ELOVL4: variants seen among roughly 807,000 people sequenced by gnomAD.
The protein encoded by ELOVL4 is ELOVL fatty acid elongase 4, also known as very long chain fatty acid elongase 4.
In ELOVL4, 18 loss-of-function variants were observed where a neutral mutation model predicts 42.1. The ratio of observed to expected loss-of-function variants is 0.43; its 90% CI spans 0.30 to 0.63. ELOVL4 has a LOEUF of 0.63. Among genes scored for constraint, ELOVL4 ranks in the 30% least tolerant of loss-of-function variants. ELOVL4 has a pLI of 0.15. For missense variants in ELOVL4, 299 were observed against 376.2 expected, an observed-to-expected ratio of 0.79 and a Z score of 1.70; for synonymous variants, 117 against 127.0, an observed-to-expected ratio of 0.92 and a Z score of 0.53.
chr6:79,919,485 T>C lies in ELOVL4; in HGVS notation c.604A>G (p.Thr202Ala), dbSNP rs376577129. ...TTCTGAATCCATGGGCCAAATGCAG[T>C]TAACCCATAGTATGAGTACATAATC... ...HVIMYSYYGLTAFGPWIQKYL... is the reference protein window; with the variant it reads ...HVIMYSYYGLAAFGPWIQKYL... The change falls in exon 5 of 6, where the codon ACT (threonine) becomes GCT (alanine). Residue 202 changes from threonine (T) to alanine (A), a missense_variant. By Grantham distance (58) the Thr-to-Ala change is moderately conservative (BLOSUM62 0). Transcript: ENST00000369816. 104 of 1,613,624 alleles carry C rather than the reference T, an allele frequency of 6.4e-5. No homozygotes were observed. Among genetic ancestry groups the C allele is most frequent in the South Asian group, 2.4e-4 (22 of 91,082 alleles).
intron 1 of ELOVL4, among the ~76,000 whole-genome samples, chr6:79,931,721 G>A (rs1774448463): frequency 6.6e-6 from 1 of 152,038 alleles, no homozygotes; most frequent in Non-Finnish European, 1.5e-5. Context: ...AAGAGAAAGA[G>A]GCCTCAGCAA....
intron 1 of ELOVL4, among the ~76,000 whole-genome samples, chr6:79,930,088 T>C (rs1774418015): frequency 6.6e-6 from 1 of 152,214 alleles, no homozygotes; most frequent in South Asian, 2.1e-4. Flanking sequence ...ATAATAACTT[T>C]ATCCTCAAGT....
intron 3 of ELOVL4, among the ~76,000 whole-genome samples, chr6:79,924,343 C>T (rs1352631143): frequency 6.6e-6 from 1 of 152,090 alleles, no homozygotes; most frequent in Non-Finnish European, 1.5e-5. Context: ...AAACAAAAAT[C>T]TAAAATAATG....
intron 1 of ELOVL4, among the ~76,000 whole-genome samples, chr6:79,926,913 AG>A (rs1774352190): frequency 6.6e-6 from 1 of 152,160 alleles, no homozygotes; most frequent in Non-Finnish European, 1.5e-5. Context: ...AGATTAAGTT[AG>A]GGTTAATTAC....
At position 79,947,363 on chromosome 6, in the gene ELOVL4, G is replaced by A. The variant is rs1442094423; in HGVS notation, c.-84C>T. 9.3e-7 allele frequency: 1 copy of A among 1,076,250 alleles called. No individual in the cohort carries two copies. The highest frequency in any genetic ancestry group is 1.4e-6 in the Non-Finnish European group (1 of 723,380). The allele number at this position is 1,076,250 out of a possible 1,614,324, so 66.7% of individuals were successfully genotyped here. A position where few individuals can be genotyped will look rare whatever the true frequency, so the allele number is the denominator to read the frequency against. ...CCCCGGAGGCGGTGGCGGCCGACGG[G>A]GCGAGCGGCGGCCGGGAACCCCTCT... On this transcript the variant is annotated 5_prime_UTR_variant, in exon 1 of 6. Coordinates refer to ENST00000369816, the MANE Select transcript of ELOVL4 (RefSeq NM_022726.4).
At chr6:79,931,945 A>G (rs1397015797) in intron 1 of ELOVL4, among the ~76,000 whole-genome samples, 2 of 152,214 alleles carry the variant, frequency 1.3e-5, no homozygotes, top group African/African-American at 4.8e-5. Flanking sequence ...CTAAAGCCAA[A>G]TATCATAGCA....
chr6:79,938,741 T>C (rs1188117302), intron 1 of ELOVL4, among the ~76,000 whole-genome samples: 2 of 152,234 alleles, frequency 1.3e-5, no homozygotes, highest in Non-Finnish European at 2.9e-5. Flanking sequence ...TGTCTTTCTT[T>C]AGATGATCTT....
intron 3 of ELOVL4, among the ~76,000 whole-genome samples, chr6:79,923,215 C>T (rs1774287235): frequency 6.6e-6 from 1 of 152,086 alleles, no homozygotes; most frequent in African/African-American, 2.4e-5. Context: ...ACAATGAATA[C>T]AGAAATGAGT....
At chr6:79,932,948 C>T (rs239532) in intron 1 of ELOVL4, among the ~76,000 whole-genome samples, 1 of 151,794 alleles carries the variant, frequency 6.6e-6, no homozygotes. Context: ...TCTTTTTTCA[C>T]GGGGCAGAAT....
intron 5 of ELOVL4, 35 bp from the exon 6 acceptor site, chr6:79,916,918 T>C (rs1234578694): frequency 1.9e-6 from 3 of 1,613,148 alleles, no homozygotes; most frequent in Non-Finnish European, 2.5e-6. Context: ...AAACATTTAA[T>C]CTGAATAGTA....
intron 1 of ELOVL4, among the ~76,000 whole-genome samples, chr6:79,945,840 T>C (rs936164893): frequency 9.2e-5 from 14 of 152,180 alleles, no homozygotes; most frequent in Non-Finnish European, 1.8e-4. Flanking sequence ...AACTGCCTTT[T>C]AACCATTTTC....
intron 5 of ELOVL4, among the ~76,000 whole-genome samples, chr6:79,918,861 T>C (rs1366988028): frequency 6.6e-6 from 1 of 152,230 alleles, no homozygotes; most frequent in Admixed American, 6.5e-5. Context: ...GTCTCTGCTC[T>C]CTTAAGGACA....
intron 1 of ELOVL4, among the ~76,000 whole-genome samples, chr6:79,940,307 C>T (rs931535475): frequency 6.6e-6 from 1 of 152,056 alleles, no homozygotes; most frequent in African/African-American, 2.4e-5. Context: ...AAACATCATT[C>T]TAAGGTATTT....
intron 1 of ELOVL4, among the ~76,000 whole-genome samples, chr6:79,938,091 G>T (rs773123136): frequency 5.3e-4 from 80 of 152,290 alleles, no homozygotes; most frequent in Non-Finnish European, 8.7e-4. Flanking sequence ...AGTTCATAAG[G>T]GAAAAGGAGA....
rs587777598 is a variant in ELOVL4 at position 79,921,662 on chromosome 6, C to T, written c.504G>A (p.Leu168=). The T allele has an allele frequency of 6.2e-7, 1 of 1,613,950 alleles. No individual in the cohort carries two copies. The highest frequency in any genetic ancestry group is 8.5e-7 in the Non-Finnish European group (1 of 1,179,982). ...CAACCCACTTAATTCCAATCCACCA[C>T]AAGGTAAACATCGTACAGTGATGAT... ...HVYHHCTMFT[L]WWIGIKWVAG... The change falls in exon 4 of 6, where the codon TTG becomes TTA. Residue 168 remains leucine, a synonymous_variant. Transcript: ENST00000369816.
intron 3 of ELOVL4, among the ~76,000 whole-genome samples, chr6:79,923,936 C>A (rs889227275): frequency 6.6e-6 from 1 of 152,166 alleles, no homozygotes; most frequent in Admixed American, 6.5e-5. Flanking sequence ...GTCCACTCCC[C>A]ATGCCAGGAA....
intron 5 of ELOVL4, among the ~76,000 whole-genome samples, chr6:79,917,765 G>T (rs548646402): frequency 1.3e-5 from 2 of 152,126 alleles, no homozygotes; most frequent in Non-Finnish European, 2.9e-5. Context: ...AAGTTACAGT[G>T]AGCCCAGACT....
chr6:79,944,987 CAAAAAAAAAAA>C (rs200726708), intron 1 of ELOVL4, among the ~76,000 whole-genome samples: 14 of 92,994 alleles, frequency 1.5e-4, no homozygotes, highest in East Asian at 6.7e-4. Flanking sequence ...TGAATGAGTC[CAAAAAAAAAAA>C]AAAAAAAAAA....
At chr6:79,919,331 TG>T (rs1774211378) in intron 5 of ELOVL4, 88 bp downstream of exon 5, 1 of 1,433,716 alleles carries the variant, frequency 7.0e-7, no homozygotes, top group African/African-American at 1.4e-5. Flanking sequence ...AATAGAAAAT[TG>T]TCTAAAATGA....
Sources: allele counts gnomAD v4.1 joint callset (sites outside exome capture counted in the v4.1 genomes callset), GRCh38; gene constraint gnomAD v4.1.1; transcripts MANE v1.5; gene names NCBI Gene and HGNC (gene_info 2026-07-23, HGNC 2026-07-21).